Variants in SLC38A8 observed in about 807,000 individuals in gnomAD.
The protein encoded by SLC38A8 is amino acid transporter SLC38A8.
A neutral mutation model predicts 46.0 loss-of-function variants in SLC38A8; 65 were observed. The observed-to-expected ratio is 1.41, with a 90% confidence interval of 1.16 to 1.74. SLC38A8 has a LOEUF of 1.74. SLC38A8 is among the 40% of genes most tolerant of loss of function. The pLI, the probability that SLC38A8 is intolerant of heterozygous loss-of-function variation, is 0.00. For synonymous variants in SLC38A8, 447 were observed against 243.7 expected (o/e 1.83, Z -7.77); for missense variants, 998 against 567.9 (o/e 1.76, Z -7.70).
chr16:84,010,209 T>C (rs2084938037), intron 10 of SLC38A8, among the ~76,000 whole-genome samples: 1 of 151,682 alleles, frequency 6.6e-6, no homozygotes, highest in Non-Finnish European at 1.5e-5. Flanking sequence ...TAACTGGGAC[T>C]ACAGACACAC....
intron 5 of SLC38A8, 59 bp downstream of exon 5, chr16:84,031,795 AAGACTCCCCTCAC>A (rs1328979324): frequency 4.8e-5 from 63 of 1,313,696 alleles, no homozygotes; most frequent in Non-Finnish European, 6.7e-5. Context: ...CTCCTCCTCC[AAGACTCCCCTCAC>A]AGACTCCCCT....
chr16:84,031,001 C>T (rs2085231548), intron 5 of SLC38A8, among the ~76,000 whole-genome samples: 1 of 152,168 alleles, frequency 6.6e-6, no homozygotes, highest in African/African-American at 2.4e-5. Context: ...CCCTGGCTCC[C>T]AAGGACCACA....
At chr16:84,019,105 G>T (rs2151115823) in intron 7 of SLC38A8, among the ~76,000 whole-genome samples, 1 of 151,534 alleles carries the variant, frequency 6.6e-6, no homozygotes, top group East Asian at 1.9e-4. Context: ...TTTTGAGATG[G>T]AGTCTGTCAC....
At chr16:84,023,849 G>A (rs190471580) in intron 6 of SLC38A8, among the ~76,000 whole-genome samples, 18 of 152,304 alleles carry the variant, frequency 1.2e-4, no homozygotes, top group East Asian at 3.9e-4. Flanking sequence ...AGCCAAGATC[G>A]TGCCACTGCA....
chr16:84,010,522 A>C (rs1278350448), intron 10 of SLC38A8, among the ~76,000 whole-genome samples: 1 of 151,824 alleles, frequency 6.6e-6, no homozygotes, highest in Admixed American at 6.6e-5. Flanking sequence ...AGGCGGATTC[A>C]CCTGAGGTCA....
chr16:84,025,743 C>G (rs1393357605), intron 6 of SLC38A8, among the ~76,000 whole-genome samples: 1 of 152,230 alleles, frequency 6.6e-6, no homozygotes, highest in Non-Finnish European at 1.5e-5. Flanking sequence ...CCTCTCACCC[C>G]CAGGACACAT....
At chr16:84,038,440 G>A (rs889216268) in intron 2 of SLC38A8, among the ~76,000 whole-genome samples, 2 of 152,108 alleles carry the variant, frequency 1.3e-5, no homozygotes, top group African/African-American at 2.4e-5. Flanking sequence ...TTCCACCCAT[G>A]CCTCTGTGAG....
intron 8 of SLC38A8, among the ~76,000 whole-genome samples, chr16:84,016,930 C>T (rs1053829957): frequency 1.3e-5 from 2 of 152,202 alleles, no homozygotes; most frequent in African/African-American, 2.4e-5. Flanking sequence ...GGATGAAGCA[C>T]GTGGTTCGCA....
chr16:84,023,430 C>G (rs538256208), intron 6 of SLC38A8, among the ~76,000 whole-genome samples: 1 of 152,182 alleles, frequency 6.6e-6, no homozygotes, highest in South Asian at 2.1e-4. Flanking sequence ...TTCAGTGTTC[C>G]GTTTTCTTAA....
chr16:84,009,685 T>G lies in SLC38A8; in HGVS notation c.*99A>C. ...GAAGGCATCAGTCTCTCCAGCATCT[T>G]TATGAGGAAAAGAAATGGCATCGGT... On this transcript the variant is annotated 3_prime_UTR_variant, in exon 11 of 11. Transcript: ENST00000299709. 9.7e-7 allele frequency: 1 copy of G among 1,033,248 alleles called. No homozygotes were observed. Among genetic ancestry groups the G allele is most frequent in the Non-Finnish European group, 1.4e-6 (1 of 711,780 alleles). The allele number at this position is 1,033,248 out of a possible 1,614,324, so 64.0% of individuals were successfully genotyped here. A position where few individuals can be genotyped will look rare whatever the true frequency, so the allele number is the denominator to read the frequency against.
At chr16:84,032,827 AAAC>A (rs145351365) in intron 4 of SLC38A8, among the ~76,000 whole-genome samples, 8,045 of 152,290 alleles carry the variant, frequency 0.053, 293 homozygotes, top group Non-Finnish European at 0.075. Flanking sequence ...AGCCACAAAA[AAAC>A]AACCTCTGTG....
Position 84,031,884 on chromosome 16 carries a change from C to T in SLC38A8, c.615G>A (p.Glu205=). 1 of 1,614,124 alleles carries T rather than the reference C, an allele frequency of 6.2e-7. No individual in the cohort carries two copies. The highest frequency in any genetic ancestry group is 1.3e-5 in the African/African-American group (1 of 75,074). ...AGACTTACCTCAGTGAAGGATGGGA[C>T]TCACGCACGAGGCCCTGGGGCCAGA... is the stretch of plus-strand genomic sequence containing the variant. ...YYLWPQGLVR[E]SHPSLSPASW... is the part of the protein sequence containing the mutation. Residue 205 remains glutamate, a synonymous_variant, in exon 5 of 11, where the codon GAG becomes GAA. Transcript: ENST00000299709.
intron 6 of SLC38A8, among the ~76,000 whole-genome samples, chr16:84,027,147 C>T (rs1401720152): frequency 6.6e-6 from 1 of 152,090 alleles, no homozygotes; most frequent in Non-Finnish European, 1.5e-5. Context: ...GTTAAGAGAT[C>T]GAGACCAGCC....
Position 84,017,366 on chromosome 16 carries a change from C to T in SLC38A8, c.806-79G>A, listed in dbSNP as rs138264707. ...CTCCCCCACCAACAGACAGACAGCG[C>T]CTGGCTTTACCACCTAAGATTTTCC... On this transcript the variant is annotated intron_variant, in intron 7 of 10. Coordinates refer to ENST00000299709, the MANE Select transcript of SLC38A8 (RefSeq NM_001080442.3). The T allele has an allele frequency of 1.3e-5, 20 of 1,517,488 alleles. No homozygotes were observed. In the East Asian group the frequency reaches 4.3e-4, roughly 32 times the overall value. 94.0% of individuals were successfully genotyped at this position (1,517,488 alleles called of 1,614,324 possible).
chr16:84,040,542 C>T (rs995260159), intron 2 of SLC38A8, among the ~76,000 whole-genome samples: 1 of 152,166 alleles, frequency 6.6e-6, no homozygotes, highest in Non-Finnish European at 1.5e-5. Context: ...TCCTGCTGCC[C>T]GGGGATTGGC....
At chr16:84,030,009 C>A (rs973365858) in intron 5 of SLC38A8, among the ~76,000 whole-genome samples, 13 of 152,156 alleles carry the variant, frequency 8.5e-5, no homozygotes, top group African/African-American at 2.9e-4. Flanking sequence ...TTGGGATCCC[C>A]GCCTGGTTCA....
chr16:84,011,185 G>T (rs533619557), intron 10 of SLC38A8, among the ~76,000 whole-genome samples: 2 of 152,240 alleles, frequency 1.3e-5, no homozygotes, highest in African/African-American at 4.8e-5. Flanking sequence ...CCTGTGGGCT[G>T]TGGCACTCCT....
At chr16:84,013,762 G>A (rs1035686097) in intron 9 of SLC38A8, among the ~76,000 whole-genome samples, 2 of 150,220 alleles carry the variant, frequency 1.3e-5, no homozygotes, top group Non-Finnish European at 3.0e-5. Context: ...GTTCTGCTAG[G>A]ATTCAGGGCC....
intron 6 of SLC38A8, among the ~76,000 whole-genome samples, chr16:84,026,296 C>T (rs2085163934): frequency 6.6e-6 from 1 of 152,212 alleles, no homozygotes; most frequent in South Asian, 2.1e-4. Context: ...GTTGCATGAT[C>T]TTGGCTCACT....
Sources: gnomAD v4.1 joint callset for allele counts (sites outside exome capture counted in the v4.1 genomes callset) on GRCh38, gnomAD v4.1.1 for gene constraint, MANE v1.5 for transcripts, NCBI Gene and HGNC (gene_info 2026-07-23, HGNC 2026-07-21) for gene names.